The following PAICS variants were observed in gnomAD, a reference collection of about 807,000 sequenced individuals.
PAICS encodes the protein phosphoribosylaminoimidazole carboxylase and phosphoribosylaminoimidazolesuccinocarboxamide synthase, also known as bifunctional phosphoribosylaminoimidazole carboxylase/phosphoribosylaminoimidazole succinocarboxamide synthetase.
In PAICS, 33 loss-of-function variants were observed where a neutral mutation model predicts 53.7. That is an observed-to-expected ratio of 0.61 (90% confidence interval 0.47 to 0.82). The LOEUF (loss-of-function observed/expected upper bound fraction) is 0.82, where lower values mean the gene tolerates loss of function less well. Ranked by LOEUF, PAICS falls within the 40% of genes least tolerant of loss-of-function variation. PAICS has a pLI of 0.00. For missense variants in PAICS, 394 were observed against 494.1 expected, an observed-to-expected ratio of 0.80 and a Z score of 1.92; for synonymous variants, 141 against 167.2, an observed-to-expected ratio of 0.84 and a Z score of 1.21.
At chr4:56,410,973 G>A in the PAICS span, 1 of 934,294 alleles carries the variant, frequency 1.1e-6, no homozygotes, top group Admixed American at 6.5e-5. Context: ...TTTATGAACT[G>A]TAAAAGTTCA....
upstream of PAICS, among the ~76,000 whole-genome samples, chr4:56,432,582 G>A (rs1166807553): frequency 3.4e-5 from 5 of 148,454 alleles, no homozygotes; most frequent in African/African-American, 1.0e-4. Context: ...TCAGGAGATC[G>A]AGACCATCCT....
At chr4:56,434,534 A>AT (rs1191023432), upstream of PAICS, among the ~76,000 whole-genome samples, 2 of 152,110 alleles carry the variant, frequency 1.3e-5, no homozygotes, top group Admixed American at 6.5e-5. Context: ...AAGCAAAGTA[A>AT]TTTTTTTTAA....
chr4:56,441,865 G>A lies in PAICS; in HGVS notation c.214+5G>A, dbSNP rs1718361679. The A allele has an allele frequency of 6.3e-7, 1 of 1,580,158 alleles. No homozygotes were observed. Among genetic ancestry groups the A allele is most frequent in the Non-Finnish European group, 8.6e-7 (1 of 1,160,536 alleles). ...TTCAGTTATTACAGGAAGCAGGTAA[G>A]CAGCTCCCTCAAAGTCTCTTCTCTC... On this transcript the variant is annotated splice_donor_5th_base_variant and intron_variant, in intron 2 of 8. Coordinates refer to ENST00000512576, the MANE Select transcript of PAICS (RefSeq NM_001079524.2).
At chr4:56,453,371 A>G (rs1340479786) in intron 7 of PAICS, among the ~76,000 whole-genome samples, 2 of 150,606 alleles carry the variant, frequency 1.3e-5, no homozygotes, top group Non-Finnish European at 3.0e-5. Context: ...GATCTCAAAA[A>G]CAACCAAACC....
chr4:56,413,943 A>T, the PAICS span, among the ~76,000 whole-genome samples: 1 of 152,240 alleles, frequency 6.6e-6, no homozygotes, highest in South Asian at 2.1e-4. Context: ...GGCTAATTTA[A>T]GAAACAATGG....
At chr4:56,413,040 A>G in the PAICS span, among the ~76,000 whole-genome samples, 7 of 152,324 alleles carry the variant, frequency 4.6e-5, no homozygotes, top group Non-Finnish European at 1.0e-4. Flanking sequence ...TGATACTGCA[A>G]TTAATACCTT....
upstream of PAICS, among the ~76,000 whole-genome samples, chr4:56,433,397 T>TAAAAAAAA (rs34598008): frequency 1.7e-5 from 2 of 118,262 alleles, no homozygotes; most frequent in East Asian, 2.4e-4. Flanking sequence ...TGGTATTCAT[T>TAAAAAAAA]AAAAAAAAAA....
At chr4:56,422,678 T>C in the PAICS span, 1 of 152,118 alleles carries the variant, frequency 6.6e-6, no homozygotes, top group Non-Finnish European at 1.5e-5. Context: ...ATGAGAGTGG[T>C]GCCCTCATAA....
chr4:56,453,558 C>G, intron 7 of PAICS, 45 bp from the exon 8 acceptor site: 43 of 1,185,530 alleles, frequency 3.6e-5, no homozygotes, highest in Non-Finnish European at 4.4e-5. Flanking sequence ...GTCTTTAAAT[C>G]TGTTTTGAAT....
intron 3 of PAICS, among the ~76,000 whole-genome samples, chr4:56,447,624 T>C (rs1306137699): frequency 6.6e-6 from 1 of 152,216 alleles, no homozygotes; most frequent in Non-Finnish European, 1.5e-5. Context: ...CTTCCTGTCA[T>C]GTCTGATGAC....
At chr4:56,436,629 A>G in intron 1 of PAICS, 1 of 654,790 alleles carries the variant, frequency 1.5e-6, no homozygotes. Context: ...TTGATTCGTC[A>G]AAACCTGAGT....
At chr4:56,437,484 C>T (rs2110078540) in intron 1 of PAICS, among the ~76,000 whole-genome samples, 1 of 151,996 alleles carries the variant, frequency 6.6e-6, no homozygotes, top group African/African-American at 2.4e-5. Flanking sequence ...CTGCTGGGTA[C>T]ATTCTTTTCC....
chr4:56,446,726 G>A lies in PAICS; in HGVS notation c.246G>A (p.Gly82=). 1 of 1,602,184 alleles carries A rather than the reference G, an allele frequency of 6.2e-7. No homozygotes were observed. Among genetic ancestry groups the A allele is most frequent in the Non-Finnish European group, 8.5e-7 (1 of 1,173,316 alleles). The part of the protein sequence containing the change: ...GIKTAFTRKC[G]ETAFIAPQCE... ...AAACTGCCTTCACCAGAAAATGTGG[G>A]GAGACAGCTTTCATTGCACCGCAGT... is the stretch of plus-strand genomic sequence containing the variant. The change falls in exon 3 of 9, where the codon GGG becomes GGA. Residue 82 remains glycine (G), a synonymous_variant. Transcript: ENST00000512576.
rs1719543502 is a variant in PAICS at position 56,462,216 on chromosome 4, G to C, written c.*2678G>C. The C allele has an allele frequency of 6.6e-6, 1 of 152,218 alleles. No individual in the cohort carries two copies. The highest frequency in any genetic ancestry group is 1.5e-5 in the Non-Finnish European group (1 of 68,040). 9.4% of individuals were successfully genotyped at this position (152,218 alleles called of 1,614,324 possible). On this transcript the variant is annotated 3_prime_UTR_variant, in exon 9 of 9. Transcript: ENST00000512576. Reference sequence around the variant, plus strand: ...GATGTAAAAGCAAGACACACAGATAGGGAAATAGCTTTCCATACTAAGGGA... The same window carrying C: ...GATGTAAAAGCAAGACACACAGATACGGAAATAGCTTTCCATACTAAGGGA...
At chr4:56,451,179 A>G (rs1303568970) in intron 6 of PAICS, 1 of 154,752 alleles carries the variant, frequency 6.5e-6, no homozygotes, top group African/African-American at 2.4e-5. Context: ...TATCCTTACT[A>G]GGATACTGGA....
rs1459808803 is a variant in PAICS at position 56,441,791 on chromosome 4, C to G, written c.145C>G (p.His49Asp). The G allele has an allele frequency of 6.2e-7, 1 of 1,602,208 alleles. No homozygotes were observed. ...ITAGNAARKNHLEGKAAISNK... is the reference protein window; with the variant it reads ...ITAGNAARKNDLEGKAAISNK... ...AGCAGGAAATGCAGCTAGAAAAAAC[C>G]ACCTGGAAGGAAAAGCTGCAATCTC... The change falls in exon 2 of 9, where the codon CAC becomes GAC. Residue 49 changes from histidine (H) to aspartate (D), a missense_variant. His to Asp is a moderately conservative substitution (Grantham distance 81). Around this residue, in one of 3 missense-constraint regions of PAICS, gnomAD observed 168 missense variants for 199.3 expected, o/e 0.84. Coordinates refer to ENST00000512576, the MANE Select transcript of PAICS (RefSeq NM_001079524.2).
chr4:56,457,817 T>C (rs758746058), intron 8 of PAICS, among the ~76,000 whole-genome samples: 8 of 152,024 alleles, frequency 5.3e-5, no homozygotes, highest in Non-Finnish European at 7.4e-5. Flanking sequence ...GCCAGCTAAT[T>C]TTGATTAAGT....
Position 56,436,311 on chromosome 4 carries a change from TA to T in PAICS, c.1del. 1 of 1,602,960 alleles carries T rather than the reference TA, an allele frequency of 6.2e-7. No homozygotes were observed. Among genetic ancestry groups the T allele is most frequent in the Non-Finnish European group, 8.5e-7 (1 of 1,175,074 alleles). ...GTCGCAGCCCTCAGCCCACTTAGGA[TA>T]ATGGCGACAGCTGAGGGTGAGTAAC... is the stretch of plus-strand genomic sequence containing the variant. On this transcript the variant is annotated 5_prime_UTR_variant, in exon 1 of 9. Coordinates refer to ENST00000512576, the MANE Select transcript of PAICS (RefSeq NM_001079524.2).
the PAICS span, among the ~76,000 whole-genome samples, chr4:56,426,160 T>C: frequency 1.3e-5 from 2 of 152,116 alleles, no homozygotes; most frequent in South Asian, 4.1e-4. Flanking sequence ...CCCAACACTG[T>C]GGGAGGCCAA....
Sources: allele counts gnomAD v4.1 joint callset (sites outside exome capture counted in the v4.1 genomes callset), GRCh38; gene constraint gnomAD v4.1.1; regional missense constraint gnomAD v4.1.1; transcripts MANE v1.5; gene names NCBI Gene and HGNC (gene_info 2026-07-23, HGNC 2026-07-21).